The following ATP10B variants were observed in gnomAD, a reference collection of about 807,000 sequenced individuals.
ATP10B encodes the protein ATPase phospholipid transporting 10B (putative), also known as phospholipid-transporting ATPase VB.
Under a neutral mutation model 141.2 loss-of-function variants are expected in ATP10B, and 122 were observed. That is an observed-to-expected ratio of 0.86 (90% CI 0.75 to 1.00). The LOEUF (loss-of-function observed/expected upper bound fraction) is 1.00. ATP10B is among the 50% of genes least tolerant of loss of function. The pLI is 0.00. For missense variants in ATP10B, 1,876 were observed against 1,825.3 expected, an observed-to-expected ratio of 1.03 and a Z score of -0.51; for synonymous variants, 685 against 692.0, an observed-to-expected ratio of 0.99 and a Z score of 0.16.
the ATP10B span, among the ~76,000 whole-genome samples, chr5:160,877,023 C>G: frequency 6.6e-6 from 1 of 151,922 alleles, no homozygotes; most frequent in Non-Finnish European, 1.5e-5. Context: ...GAATCCTCCC[C>G]TAACTCATTT....
At chr5:160,719,015 G>A (rs564524116) in intron 2 of ATP10B, among the ~76,000 whole-genome samples, 27 of 152,304 alleles carry the variant, frequency 1.8e-4, no homozygotes, top group African/African-American at 4.3e-4. Context: ...ATTGAAGTTC[G>A]TCAGAGTTCT....
chr5:160,755,844 T>A (rs1355801577), intron 2 of ATP10B, among the ~76,000 whole-genome samples: 136 of 45,062 alleles, frequency 3.0e-3, no homozygotes, highest in Admixed American at 3.2e-3. Flanking sequence ...AAAAAATATA[T>A]ATATATATAT....
intron 18 of ATP10B, 77 bp from the exon 19 acceptor site, chr5:160,607,163 G>T: frequency 8.0e-7 from 1 of 1,257,160 alleles, no homozygotes; most frequent in Non-Finnish European, 1.1e-6. Flanking sequence ...TTATTCTTTA[G>T]TAAGATAGTC....
chr5:160,589,787 G>C (rs944070526), intron 23 of ATP10B, 91 bp from the exon 24 acceptor site: 1 of 912,062 alleles, frequency 1.1e-6, no homozygotes, highest in South Asian at 1.4e-5. Flanking sequence ...AATGAAGGCA[G>C]TTGTCAATGG....
At chr5:160,653,695 TAC>T (rs1761182722) in intron 7 of ATP10B, among the ~76,000 whole-genome samples, 4 of 124,894 alleles carry the variant, frequency 3.2e-5, no homozygotes, top group Non-Finnish European at 4.8e-5. Context: ...TATACATATA[TAC>T]ATATACAATA....
At chr5:160,919,172 C>T in the ATP10B span, among the ~76,000 whole-genome samples, 22 of 126,988 alleles carry the variant, frequency 1.7e-4, no homozygotes, top group Non-Finnish European at 2.7e-4. Flanking sequence ...TGCAGTGAGT[C>T]GAGATCGCGC....
intron 3 of ATP10B, among the ~76,000 whole-genome samples, chr5:160,695,812 T>C (rs1561764302): frequency 6.6e-6 from 1 of 152,134 alleles, no homozygotes; most frequent in East Asian, 1.9e-4. Flanking sequence ...ATTAGAATTT[T>C]AAAAAGTTTG....
chr5:160,598,861 G>A lies in ATP10B; in HGVS notation c.3473C>T (p.Pro1158Leu), dbSNP rs747392154. Residue 1158 changes from proline (P) to leucine (L), a missense_variant, in exon 22 of 26, where the codon CCT becomes CTT. Pro to Leu is a moderately conservative substitution (Grantham distance 98). Coordinates refer to ENST00000327245, the MANE Select transcript of ATP10B (RefSeq NM_025153.3). ...IFFNLFFTSLPPLVFGVLDKD... is the reference protein window; with the variant it reads ...IFFNLFFTSLLPLVFGVLDKD... ...GTCAAGGACTCCAAAGACAAGAGGA[G>A]GCAAGGAGGTAAAGAAGAGATTGAA... The A allele has an allele frequency of 5.3e-5, 86 of 1,614,056 alleles. No homozygotes were observed. The highest frequency in any genetic ancestry group is 6.6e-5 in the Non-Finnish European group (78 of 1,180,024).
chr5:160,892,286 G>A, the ATP10B span, among the ~76,000 whole-genome samples: 93 of 152,238 alleles, frequency 6.1e-4, no homozygotes, highest in African/African-American at 2.0e-3. Flanking sequence ...AATTTCACCT[G>A]CTCCAGCCAT....
chr5:160,674,947 G>T (rs1393980221), intron 6 of ATP10B, among the ~76,000 whole-genome samples: 1 of 152,132 alleles, frequency 6.6e-6, no homozygotes, highest in Non-Finnish European at 1.5e-5. Context: ...GCCACTTTAT[G>T]CTGATTCTCT....
the ATP10B span, among the ~76,000 whole-genome samples, chr5:160,889,548 A>G: frequency 4.6e-5 from 7 of 152,226 alleles, no homozygotes; most frequent in Non-Finnish European, 7.3e-5. Flanking sequence ...ATGGAAATCC[A>G]TGAATTCATT....
At chr5:160,924,088 C>T in the ATP10B span, among the ~76,000 whole-genome samples, 1 of 152,208 alleles carries the variant, frequency 6.6e-6, no homozygotes, top group African/African-American at 2.4e-5. Flanking sequence ...CAGGCTCCAC[C>T]AGCTAGGCCA....
chr5:160,841,872 G>A (rs1024665769), intron 1 of ATP10B, among the ~76,000 whole-genome samples: 20 of 152,172 alleles, frequency 1.3e-4, no homozygotes, highest in Admixed American at 3.9e-4. Context: ...TTACAGGTGC[G>A]TGCCACCATG....
At chr5:160,928,160 TCAAA>T in the ATP10B span, among the ~76,000 whole-genome samples, 2 of 152,290 alleles carry the variant, frequency 1.3e-5, 1 homozygote, top group African/African-American at 4.8e-5. Context: ...CTCTCCTTTC[TCAAA>T]CACATTTCCT....
intron 6 of ATP10B, among the ~76,000 whole-genome samples, chr5:160,685,733 G>A (rs1763709164): frequency 2.0e-5 from 3 of 151,972 alleles, no homozygotes; most frequent in Admixed American, 2.0e-4. Flanking sequence ...AATAATATGA[G>A]TGCTTATACA....
chr5:160,813,495 CT>C (rs1773327242), intron 1 of ATP10B, among the ~76,000 whole-genome samples: 1 of 152,196 alleles, frequency 6.6e-6, no homozygotes, highest in African/African-American at 2.4e-5. Flanking sequence ...GAAGCTCGAA[CT>C]GGGTGGAGCT....
chr5:160,808,111 A>G (rs948358470), intron 1 of ATP10B, among the ~76,000 whole-genome samples: 2 of 152,228 alleles, frequency 1.3e-5, no homozygotes, highest in Non-Finnish European at 2.9e-5. Context: ...CTGGATCTTT[A>G]TTCCATTAAA....
At chr5:160,899,312 A>G in the ATP10B span, among the ~76,000 whole-genome samples, 1 of 152,130 alleles carries the variant, frequency 6.6e-6, no homozygotes, top group African/African-American at 2.4e-5. Flanking sequence ...TAGGGACATA[A>G]TACCAAATTT....
At chr5:160,715,216 C>G (rs924393469) in intron 3 of ATP10B, among the ~76,000 whole-genome samples, 6 of 133,562 alleles carry the variant, frequency 4.5e-5, no homozygotes, top group Non-Finnish European at 6.4e-5. Context: ...CCCCCAGCCT[C>G]GTTGCTGCCT....
Sources: gnomAD v4.1 joint callset for allele counts (sites outside exome capture counted in the v4.1 genomes callset) on GRCh38, gnomAD v4.1.1 for gene constraint, MANE v1.5 for transcripts, NCBI Gene and HGNC (gene_info 2026-07-23, HGNC 2026-07-21) for gene names.